The following PCDHGB2 variants were observed in gnomAD, a reference collection of about 807,000 sequenced individuals.
PCDHGB2 encodes the protein protocadherin gamma-B2.
Under a neutral mutation model 59.3 loss-of-function variants are expected in PCDHGB2, and 55 were observed. That is an observed-to-expected ratio of 0.93 (90% CI 0.75 to 1.16). The LOEUF (loss-of-function observed/expected upper bound fraction) is 1.16, where lower values mean the gene tolerates loss of function less well. Among genes scored for constraint, PCDHGB2 ranks in the 50% most tolerant of loss-of-function variants. PCDHGB2 has a pLI of 0.00. For synonymous variants in PCDHGB2, 516 were observed against 512.0 expected, an observed-to-expected ratio of 1.01 and a Z score of -0.11; for missense variants, 1,228 against 1,198.5, an observed-to-expected ratio of 1.02 and a Z score of -0.36.
intron 1 of PCDHGB2, among the ~76,000 whole-genome samples, chr5:141,474,263 A>C (rs964712807): frequency 6.6e-6 from 1 of 152,188 alleles, no homozygotes; most frequent in Non-Finnish European, 1.5e-5. Context: ...CTGATAAACC[A>C]GTGTATCTCT....
At chr5:141,500,782 T>G (rs2099802612) in intron 2 of PCDHGB2, among the ~76,000 whole-genome samples, 2 of 152,222 alleles carry the variant, frequency 1.3e-5, no homozygotes, top group Admixed American at 1.3e-4. Context: ...ATATACATAT[T>G]ATTTTACAGA....
At chr5:141,449,500 A>G (rs1034917703) in intron 1 of PCDHGB2, among the ~76,000 whole-genome samples, 6 of 151,300 alleles carry the variant, frequency 4.0e-5, no homozygotes, top group African/African-American at 1.5e-4. Flanking sequence ...GAGGCATGAG[A>G]AATGCTTGAA....
Position 141,404,312 on chromosome 5 carries a change from C to T in PCDHGB2, c.2421+41756C>T. On this transcript the variant is annotated intron_variant, in intron 1 of 3. Transcript: ENST00000522605. ...CAATGATAATCCACCTGCTTTCTCT[C>T]AAGCCTCCTACTCAGTCTACCTCCC... is the stretch of plus-strand genomic sequence containing the variant. 1.9e-6 allele frequency: 3 copies of T among 1,613,956 alleles called. No individual in the cohort carries two copies. The Middle Eastern group carries it at 4.9e-4, about 266-fold the overall frequency.
intron 1 of PCDHGB2, chr5:141,389,112 C>G (rs376966829): frequency 1.2e-6 from 2 of 1,613,966 alleles, no homozygotes; most frequent in Non-Finnish European, 1.7e-6. Context: ...TGTTCTAGAC[C>G]GCGAGCAGAA....
chr5:141,474,626 G>A (rs1006911535), intron 1 of PCDHGB2, among the ~76,000 whole-genome samples: 5 of 152,288 alleles, frequency 3.3e-5, no homozygotes, highest in African/African-American at 9.6e-5. Flanking sequence ...CATCTCTTCC[G>A]GAAATATCCT....
intron 1 of PCDHGB2, among the ~76,000 whole-genome samples, chr5:141,400,891 A>G (rs1266926061): frequency 6.6e-6 from 1 of 152,222 alleles, no homozygotes; most frequent in African/African-American, 2.4e-5. Context: ...GTATGTAATC[A>G]TTTAATTCAT....
At chr5:141,402,877 T>C in intron 1 of PCDHGB2, 3 of 1,469,748 alleles carry the variant, frequency 2.0e-6, no homozygotes, top group East Asian at 4.9e-5. Flanking sequence ...CACCATACTT[T>C]GCAGGGTGGA....
chr5:141,414,193 A>C, intron 1 of PCDHGB2: 1 of 1,610,884 alleles, frequency 6.2e-7, no homozygotes, highest in Admixed American at 1.7e-5. Context: ...AGTGTTGATT[A>C]CAGTAGAAGA....
intron 1 of PCDHGB2, chr5:141,427,448 TC>T (rs1355717683): frequency 6.2e-6 from 3 of 484,982 alleles, no homozygotes; most frequent in Non-Finnish European, 1.2e-5. Flanking sequence ...ACGAAAGAGT[TC>T]CTTTTAGAAT....
intron 1 of PCDHGB2, chr5:141,370,131 T>C (rs1459064446): frequency 2.5e-6 from 1 of 401,420 alleles, no homozygotes; most frequent in African/African-American, 2.0e-5. Context: ...TATTTGGAGC[T>C]GATTTAGTCA....
chr5:141,428,731 A>G (rs1290064919), intron 1 of PCDHGB2: 1 of 159,494 alleles, frequency 6.3e-6, no homozygotes, highest in Non-Finnish European at 1.4e-5. Context: ...TCTTAAACAT[A>G]TTATATCTAC....
intron 1 of PCDHGB2, chr5:141,419,888 G>A: frequency 6.2e-7 from 1 of 1,614,056 alleles, no homozygotes; most frequent in Non-Finnish European, 8.5e-7. Context: ...GGATTTCAGC[G>A]ACCATCCCAC....
intron 1 of PCDHGB2, chr5:141,430,634 C>A: frequency 1.1e-6 from 1 of 882,730 alleles, no homozygotes; most frequent in Non-Finnish European, 1.7e-6. Flanking sequence ...TGAACCATCC[C>A]TGGGAGTATG....
intron 1 of PCDHGB2, chr5:141,374,349 G>A: frequency 1.2e-6 from 2 of 1,614,042 alleles, no homozygotes; most frequent in Non-Finnish European, 1.7e-6. Context: ...ACCGCGGGTA[G>A]GATAGACCGC....
At chr5:141,407,967 T>C (rs1589649755) in intron 1 of PCDHGB2, 2 of 705,496 alleles carry the variant, frequency 2.8e-6, no homozygotes, top group South Asian at 2.3e-5. Flanking sequence ...GAGCAAGCGC[T>C]GACGCCGGGG....
At chr5:141,428,792 T>A (rs1590880161) in intron 1 of PCDHGB2, 1 of 152,978 alleles carries the variant, frequency 6.5e-6, no homozygotes, top group Middle Eastern at 3.4e-3. Flanking sequence ...TTCCTTTCTG[T>A]GTGGGCCAGT....
rs183257097 is a variant in PCDHGB2 at position 141,389,274 on chromosome 5, C to G, written c.2421+26718C>G. 189 of 1,614,032 alleles carry G rather than the reference C, an allele frequency of 1.2e-4. 1 individual carries two copies. In the East Asian group the frequency reaches 4.2e-3, roughly 36 times the overall value. On this transcript the variant is annotated intron_variant, in intron 1 of 3. Coordinates refer to ENST00000522605, the MANE Select transcript of PCDHGB2 (RefSeq NM_018923.3). ...TATAGTCCACGTGGCCGAGAACAACCCGCCTGGAGCCTCTATTTCACAAGT... is the reference window on the plus strand; with the variant it reads ...TATAGTCCACGTGGCCGAGAACAACGCGCCTGGAGCCTCTATTTCACAAGT...
intron 1 of PCDHGB2, chr5:141,371,943 C>T: frequency 6.2e-7 from 1 of 1,613,302 alleles, no homozygotes; most frequent in Non-Finnish European, 8.5e-7. Context: ...GGTGTTCGCG[C>T]AGCGAGCCTT....
Position 141,360,710 on chromosome 5 carries a change from C to T in PCDHGB2, c.575C>T (p.Pro192Leu). The change falls in exon 1 of 4, where the codon CCT becomes CTT. Residue 192 changes from proline to leucine, a missense_variant. Coordinates refer to ENST00000522605, the MANE Select transcript of PCDHGB2 (RefSeq NM_018923.3). The stretch of plus-strand genomic sequence containing the variant: ...CAGACTCCAGATGGTCGTAAATATC[C>T]TGAGTTGATTCTAAAACACTCTCTG... Reference protein sequence around the residue: ...EKQTPDGRKYPELILKHSLDR... With the variant: ...EKQTPDGRKYLELILKHSLDR... The T allele has an allele frequency of 6.2e-7, 1 of 1,613,894 alleles. No homozygotes were observed. The highest frequency in any genetic ancestry group is 8.5e-7 in the Non-Finnish European group (1 of 1,179,882).
Sources: allele counts gnomAD v4.1 joint callset (sites outside exome capture counted in the v4.1 genomes callset), GRCh38; gene constraint gnomAD v4.1.1; transcripts MANE v1.5; gene names NCBI Gene and HGNC (gene_info 2026-07-23, HGNC 2026-07-21).